The following PCCA variants were observed in gnomAD, a reference collection of about 807,000 sequenced individuals.
PCCA encodes the protein propionyl-CoA carboxylase alpha chain, mitochondrial.
Under a neutral mutation model 101.3 loss-of-function variants are expected in PCCA, and 74 were observed. The observed-to-expected ratio is 0.73, with a 90% CI of 0.61 to 0.89. The LOEUF is 0.89. Ranked by LOEUF, PCCA falls within the 40% of genes least tolerant of loss-of-function variation. The pLI is 0.00. For missense variants in PCCA, 891 were observed against 907.0 expected (o/e 0.98, Z 0.23); for synonymous variants, 294 against 313.6 (o/e 0.94, Z 0.66).
rs879511777 is a variant in PCCA at position 100,289,476 on chromosome 13, C to G, written c.1066-11984C>G. Among the ~76,000 whole-genome samples the G allele has an allele frequency of 4.6e-5, 7 of 152,120 alleles. No homozygotes were observed. In the East Asian group the frequency reaches 1.2e-3, roughly 25 times the overall value. On this transcript the variant is annotated intron_variant, in intron 12 of 23. Coordinates refer to ENST00000376285, the MANE Select transcript of PCCA (RefSeq NM_000282.4). ...GAAAAAATTTTCTAAGAACCTAATC[C>G]AACATTTTCTTTTAGTGTGAAAATT...
At chr13:100,480,057 C>G (rs1022751562) in intron 21 of PCCA, among the ~76,000 whole-genome samples, 8 of 152,198 alleles carry the variant, frequency 5.3e-5, no homozygotes, top group Non-Finnish European at 1.2e-4. Flanking sequence ...AGCATTTACT[C>G]TTGCTTCTAA....
chr13:100,186,738 C>CA lies in PCCA; in HGVS notation c.469-22584dup, dbSNP rs376028376. ...CCTGGGTGAGAGTGAGATTCCATCT[C>CA]AAAAAAAAAACAAAAAAAAAAAGAA... On this transcript the variant is annotated intron_variant, in intron 6 of 23. Transcript: ENST00000376285. 1.0e-3 allele frequency among the ~76,000 whole-genome samples: 87 copies of CA among 83,956 alleles called. 3 individuals are homozygous for CA. The highest frequency in any genetic ancestry group is 7.5e-3 in the Middle Eastern group (1 of 134). The allele number at this position is 83,956 out of a possible 152,430, so 55.1% of individuals were successfully genotyped here.
At chr13:100,463,434 T>G (rs146552779) in intron 21 of PCCA, among the ~76,000 whole-genome samples, 10 of 150,834 alleles carry the variant, frequency 6.6e-5, no homozygotes, top group African/African-American at 2.4e-4. Flanking sequence ...AGTGTACAAT[T>G]CTATGTATTG....
chr13:100,097,622 G>A (rs1289450674), intron 1 of PCCA, among the ~76,000 whole-genome samples: 2 of 152,212 alleles, frequency 1.3e-5, no homozygotes, highest in African/African-American at 4.8e-5. Context: ...GGGAGGCTGA[G>A]ACGGGAGAAT....
intron 15 of PCCA, among the ~76,000 whole-genome samples, chr13:100,307,565 G>GT (rs1254013758): frequency 2.0e-5 from 3 of 151,916 alleles, no homozygotes; most frequent in Non-Finnish European, 4.4e-5. Flanking sequence ...AGGAATTAAG[G>GT]TTTTTTTTGG....
At chr13:100,236,047 T>C (rs2060783347) in intron 8 of PCCA, among the ~76,000 whole-genome samples, 169 bp downstream of exon 8, 2 of 152,216 alleles carry the variant, frequency 1.3e-5, no homozygotes, top group African/African-American at 2.4e-5. Flanking sequence ...AATTCTATTA[T>C]TAAAGGAGAC....
At chr13:100,183,934 C>T (rs1159279071) in intron 6 of PCCA, among the ~76,000 whole-genome samples, 1 of 152,212 alleles carries the variant, frequency 6.6e-6, no homozygotes, top group African/African-American at 2.4e-5. Flanking sequence ...TTGGTATCAT[C>T]TTTGCCCACC....
chr13:100,327,862 G>GT, intron 16 of PCCA, among the ~76,000 whole-genome samples: 1 of 152,248 alleles, frequency 6.6e-6, no homozygotes. Flanking sequence ...TACTTGGTGT[G>GT]TTTTTTGTCT....
At chr13:100,154,278 T>A (rs971827734) in intron 4 of PCCA, among the ~76,000 whole-genome samples, 1 of 152,260 alleles carries the variant, frequency 6.6e-6, no homozygotes, top group African/African-American at 2.4e-5. Context: ...TAGCTTCTAT[T>A]ATGCAAAATA....
chr13:100,361,124 T>G (rs1190400662), intron 18 of PCCA, among the ~76,000 whole-genome samples: 1 of 152,092 alleles, frequency 6.6e-6, no homozygotes, highest in Non-Finnish European at 1.5e-5. Flanking sequence ...GATCAGTGAT[T>G]GCCAAGCATT....
chr13:100,417,032 G>A (rs568919773), intron 19 of PCCA, among the ~76,000 whole-genome samples: 4 of 151,792 alleles, frequency 2.6e-5, no homozygotes, highest in South Asian at 2.1e-4. Flanking sequence ...TAGTAGAGAC[G>A]GGGTTTCTCC....
In PCCA at chr13:100,376,987, C is replaced by T. The variant is rs112065968; in HGVS notation, c.1746+8413C>T. On this transcript the variant is annotated intron_variant, in intron 19 of 23. Transcript: ENST00000376285. The stretch of plus-strand genomic sequence containing the variant: ...GCGGGGTTGTGAAGACCGTGGGAAA[C>T]GCTTAGTATCTGGGCTGAATAGCAC... Among the ~76,000 whole-genome samples the T allele has an allele frequency of 5.1e-3, 773 of 152,312 alleles. 9 individuals are homozygous for T. Among genetic ancestry groups the T allele is most frequent in the African/African-American group, 0.017 (709 of 41,576 alleles).
At chr13:100,140,209 A>T (rs547827490) in intron 4 of PCCA, among the ~76,000 whole-genome samples, 1 of 152,076 alleles carries the variant, frequency 6.6e-6, no homozygotes, top group South Asian at 2.1e-4. Context: ...CTGCTGTTCA[A>T]ATTTTGTGTT....
At chr13:100,456,421 G>T (rs866825232) in intron 21 of PCCA, among the ~76,000 whole-genome samples, 1 of 152,184 alleles carries the variant, frequency 6.6e-6, no homozygotes, top group African/African-American at 2.4e-5. Flanking sequence ...GTGCGGAGAC[G>T]AGAGATTGTA....
At chr13:100,262,374 A>G in intron 9 of PCCA, among the ~76,000 whole-genome samples, 1 of 151,792 alleles carries the variant, frequency 6.6e-6, no homozygotes, top group Non-Finnish European at 1.5e-5. Flanking sequence ...AGCCTGGGCG[A>G]CAGAGTGAGA....
intron 7 of PCCA, among the ~76,000 whole-genome samples, chr13:100,217,843 T>TA (rs1161294284): frequency 6.8e-6 from 1 of 146,008 alleles, no homozygotes; most frequent in African/African-American, 2.6e-5. Flanking sequence ...ATATACCACT[T>TA]AAAAAAATCC....
rs115799760 is a variant in PCCA, at chr13:100,304,536, T to C, written c.1284+1538T>C. Among the ~76,000 whole-genome samples, 293 of 152,230 alleles carry C rather than the reference T, an allele frequency of 1.9e-3. 1 individual carries two copies. Among genetic ancestry groups the C allele is most frequent in the African/African-American group, 6.9e-3 (285 of 41,538 alleles). The stretch of plus-strand genomic sequence containing the variant: ...TCAGATTGGGCTGTCACTTGTCAGG[T>C]AGACATGGCGGGCTGGGAGTTGTGC... On this transcript the variant is annotated intron_variant, in intron 14 of 23. Transcript: ENST00000376285.
At chr13:100,193,263 T>C (rs1467533183) in intron 6 of PCCA, among the ~76,000 whole-genome samples, 4 of 152,230 alleles carry the variant, frequency 2.6e-5, no homozygotes, top group Admixed American at 2.6e-4. Context: ...TTATTTCATC[T>C]TGAAGACCCT....
At chr13:100,465,548 T>C (rs1399369469) in intron 21 of PCCA, among the ~76,000 whole-genome samples, 2 of 152,256 alleles carry the variant, frequency 1.3e-5, no homozygotes, top group East Asian at 3.9e-4. Context: ...TCAAGTCTTA[T>C]AGACAGTGAT....
Sources: allele counts gnomAD v4.1 joint callset (sites outside exome capture counted in the v4.1 genomes callset), GRCh38; gene constraint gnomAD v4.1.1; transcripts MANE v1.5; gene names NCBI Gene and HGNC (gene_info 2026-07-23, HGNC 2026-07-21).